ALDH2: variants seen among roughly 807,000 people sequenced by gnomAD.
The protein encoded by ALDH2 is aldehyde dehydrogenase 2 family member.
ALDH2 carries 44 observed loss-of-function variants against 59.6 expected under a neutral mutation model. That is an observed-to-expected ratio of 0.74 (90% CI 0.58 to 0.95). ALDH2 has a LOEUF of 0.95. Ranked by LOEUF, ALDH2 falls within the 40% of genes least tolerant of loss-of-function variation. The pLI is 0.00. For synonymous variants in ALDH2, 291 were observed against 284.0 expected (o/e 1.02, Z -0.25); for missense variants, 570 against 696.3 (o/e 0.82, Z 2.04).
chr12:111,796,964 CTTTTT>C (rs554909623), intron 9 of ALDH2, among the ~76,000 whole-genome samples: 2 of 139,142 alleles, frequency 1.4e-5, no homozygotes, highest in Non-Finnish European at 1.6e-5. Flanking sequence ...AGCTTTACTT[CTTTTT>C]TTTTTTTTTT....
intron 11 of ALDH2, 132 bp downstream of exon 11, chr12:111,800,195 C>G: frequency 8.7e-7 from 1 of 1,146,344 alleles, no homozygotes; most frequent in Non-Finnish European, 1.2e-6. Flanking sequence ...GGTGTGATGT[C>G]GATTTGAGAG....
Position 111,792,665 on chromosome 12 carries a change from C to T in ALDH2, c.966C>T (p.Gly322=). The T allele has an allele frequency of 1.2e-6, 2 of 1,611,912 alleles. No individual in the cohort carries two copies. The highest frequency in any genetic ancestry group is 1.7e-6 in the Non-Finnish European group (2 of 1,179,314). Reference sequence around the variant, plus strand: ...ACCAGGGCCAGTGCTGCTGTGCCGGCTCCCGGACCTTCGTGCAGGAGGACA... The same window carrying T: ...ACCAGGGCCAGTGCTGCTGTGCCGGTTCCCGGACCTTCGTGCAGGAGGACA... ...FFNQGQCCCA[G]SRTFVQEDIY... Residue 322 remains glycine, a synonymous_variant, in exon 9 of 13, where the codon GGC becomes GGT. Transcript: ENST00000261733.
At chr12:111,805,449 C>G (rs955103847) in intron 12 of ALDH2, among the ~76,000 whole-genome samples, 1 of 151,812 alleles carries the variant, frequency 6.6e-6, no homozygotes, top group Non-Finnish European at 1.5e-5. Flanking sequence ...CTCAGTCTCC[C>G]GAGTAGCTGG....
At chr12:111,800,633 A>G (rs1159886199) in intron 11 of ALDH2, among the ~76,000 whole-genome samples, 1 of 152,110 alleles carries the variant, frequency 6.6e-6, no homozygotes, top group African/African-American at 2.4e-5. Flanking sequence ...AGATCTCGCC[A>G]TGTTGCCCAG....
rs199624420 is a variant in ALDH2, at chr12:111,783,189, G to A, written c.251G>A (p.Arg84Gln). 1.4e-5 allele frequency: 23 copies of A among 1,613,094 alleles called. No individual in the cohort carries two copies. Among genetic ancestry groups the A allele is most frequent in the Admixed American group, 1.2e-4 (7 of 59,962 alleles). ...EDVDKAVKAARAAFQLGSPWR... is the reference protein window; with the variant it reads ...EDVDKAVKAAQAAFQLGSPWR... The stretch of plus-strand genomic sequence containing the variant: ...GTGGACAAGGCAGTGAAGGCCGCCC[G>A]GGCCGCCTTCCAGCTGGGCTCACCT... Residue 84 changes from arginine to glutamine, a missense_variant, in exon 3 of 13, where the codon CGG becomes CAG. Coordinates refer to ENST00000261733, the MANE Select transcript of ALDH2 (RefSeq NM_000690.4).
intron 10 of ALDH2, 33 bp downstream of exon 10, chr12:111,798,275 T>G (rs1318188140): frequency 6.6e-7 from 1 of 1,519,948 alleles, no homozygotes; most frequent in African/African-American, 1.4e-5. Context: ...CTGGAAACAT[T>G]CTTGGCGGGA....
At chr12:111,767,498 C>T (rs557844319) in intron 1 of ALDH2, among the ~76,000 whole-genome samples, 1 of 152,348 alleles carries the variant, frequency 6.6e-6, no homozygotes, top group Non-Finnish European at 1.5e-5. Context: ...CCCCTTTACC[C>T]CCTGACTCAT....
chr12:111,778,169 A>C (rs1180542783), intron 1 of ALDH2, among the ~76,000 whole-genome samples: 1 of 152,166 alleles, frequency 6.6e-6, no homozygotes, highest in Non-Finnish European at 1.5e-5. Flanking sequence ...AGGGGGCTCT[A>C]GGGTGATTCC....
Position 111,767,102 on chromosome 12 carries a change from C to T in ALDH2, c.114+6C>T. ...CCGAGGTCTTCTGCAACCAGGTGAG[C>T]CCACCGGCCGGGCTCGCGCTTTGTT... On this transcript the variant is annotated splice_donor_region_variant and intron_variant, in intron 1 of 12. Transcript: ENST00000261733. The T allele has an allele frequency of 6.7e-7, 1 of 1,489,078 alleles. No homozygotes were observed. 92.2% of individuals were successfully genotyped at this position (1,489,078 alleles called of 1,614,324 possible).
chr12:111,792,875 G>A, intron 9 of ALDH2, 93 bp downstream of exon 9: 1 of 1,351,416 alleles, frequency 7.4e-7, no homozygotes, highest in Non-Finnish European at 9.9e-7. Flanking sequence ...ACTGGGTTCA[G>A]GTCTCAGCTC....
At chr12:111,793,063 A>G (rs906980942) in intron 9 of ALDH2, among the ~76,000 whole-genome samples, 4 of 152,022 alleles carry the variant, frequency 2.6e-5, no homozygotes, top group Non-Finnish European at 5.9e-5. Flanking sequence ...TGCAAAAGGG[A>G]GTGTGTGTTT....
rs138639429 is a variant in ALDH2 at position 111,805,751 on chromosome 12, G to A, written c.1521+1778G>A. 5.2e-3 allele frequency among the ~76,000 whole-genome samples: 791 copies of A among 152,322 alleles called. 2 individuals carry two copies. Among genetic ancestry groups the A allele is most frequent in the African/African-American group, 0.018 (739 of 41,572 alleles). On this transcript the variant is annotated intron_variant, in intron 12 of 12. Transcript: ENST00000261733. ...CTTATTAAAAACAAAATGGCCGGGC[G>A]CGGTGGCTCACGCGTATAATCCCAG...
rs181747094 is a variant in ALDH2, at chr12:111,812,913, C to G, written c.*3338C>G. On this transcript the variant is annotated 3_prime_UTR_variant, in exon 13 of 13. Transcript: ENST00000261733. The stretch of plus-strand genomic sequence containing the variant: ...ACAAGAAAAGAATACTGCAAAGAAC[C>G]TTGGTAGGGGTGAATTGGAAAAAGT... The G allele has an allele frequency of 6.6e-6, 1 of 152,194 alleles. No individual in the cohort carries two copies. Among genetic ancestry groups the G allele is most frequent in the African/African-American group, 2.4e-5 (1 of 41,522 alleles). 9.4% of individuals were successfully genotyped at this position (152,194 alleles called of 1,614,324 possible).
chr12:111,791,646 C>T (rs2068360488), intron 7 of ALDH2, among the ~76,000 whole-genome samples: 1 of 152,206 alleles, frequency 6.6e-6, no homozygotes, highest in African/African-American at 2.4e-5. Flanking sequence ...ACTAAGGAGG[C>T]CAGGCCTGGC....
intron 11 of ALDH2, among the ~76,000 whole-genome samples, chr12:111,803,483 T>G (rs1356130675): frequency 6.6e-6 from 1 of 151,754 alleles, no homozygotes; most frequent in Non-Finnish European, 1.5e-5. Context: ...CACATACTTG[T>G]TATCTTAACT....
At chr12:111,772,678 T>G (rs2068209133) in intron 1 of ALDH2, among the ~76,000 whole-genome samples, 1 of 148,874 alleles carries the variant, frequency 6.7e-6, no homozygotes, top group African/African-American at 2.5e-5. Flanking sequence ...TTTTTGGTTT[T>G]TTTTTTTTTT....
At chr12:111,787,725 G>A (rs914484840) in intron 4 of ALDH2, among the ~76,000 whole-genome samples, 4 of 151,940 alleles carry the variant, frequency 2.6e-5, no homozygotes, top group African/African-American at 4.8e-5. Context: ...ATGAAACCCC[G>A]TCTCTACTAA....
intron 12 of ALDH2, among the ~76,000 whole-genome samples, chr12:111,806,187 G>T (rs992963457): frequency 6.7e-6 from 1 of 149,892 alleles, no homozygotes; most frequent in Non-Finnish European, 1.5e-5. Context: ...TGTGGTGGCA[G>T]GTGCCTGTAG....
intron 1 of ALDH2, among the ~76,000 whole-genome samples, chr12:111,770,046 A>T (rs1446542963): frequency 6.6e-6 from 1 of 151,872 alleles, no homozygotes; most frequent in Non-Finnish European, 1.5e-5. Flanking sequence ...TGGGAGGCTG[A>T]GGCAGGAGCA....
Sources: gnomAD v4.1 joint callset for allele counts (sites outside exome capture counted in the v4.1 genomes callset) on GRCh38, gnomAD v4.1.1 for gene constraint, MANE v1.5 for transcripts, NCBI Gene and HGNC (gene_info 2026-07-23, HGNC 2026-07-21) for gene names.